PCDHGA5: variants seen among roughly 807,000 people sequenced by gnomAD.
The protein encoded by PCDHGA5 is protocadherin gamma subfamily A, 5, also known as protocadherin gamma-A5.
A neutral mutation model predicts 56.7 loss-of-function variants in PCDHGA5; 36 were observed. The ratio of observed to expected loss-of-function variants is 0.64; its 90% CI spans 0.49 to 0.84. The LOEUF (loss-of-function observed/expected upper bound fraction) is 0.84. Ranked by LOEUF, PCDHGA5 falls within the 40% of genes least tolerant of loss-of-function variation. The pLI, the probability that PCDHGA5 is intolerant of heterozygous loss-of-function variation, is 0.00. For synonymous variants in PCDHGA5, 563 were observed against 520.2 expected, an observed-to-expected ratio of 1.08 and a Z score of -1.12; for missense variants, 1,305 against 1,201.5, an observed-to-expected ratio of 1.09 and a Z score of -1.27.
Position 141,451,083 on chromosome 5 carries a change from C to T in PCDHGA5, c.2422-43724C>T, listed in dbSNP as rs192869194. On this transcript the variant is annotated intron_variant, in intron 1 of 3. Coordinates refer to ENST00000518069, the MANE Select transcript of PCDHGA5 (RefSeq NM_018918.3). The stretch of plus-strand genomic sequence containing the variant: ...GACCTTGTGATCCACCCACCTTGAC[C>T]TCCCAAAGTGTTGGGATTACAGGCG... 4.9e-4 allele frequency among the ~76,000 whole-genome samples: 75 copies of T among 152,174 alleles called. 3 individuals carry two copies. In the East Asian group the frequency reaches 0.014, roughly 29 times the overall value.
intron 2 of PCDHGA5, among the ~76,000 whole-genome samples, chr5:141,497,487 T>TCTCTCTCTC (rs1223198472): frequency 1.3e-5 from 2 of 151,562 alleles, no homozygotes; most frequent in Non-Finnish European, 2.9e-5. Flanking sequence ...GCGGAACCTC[T>TCTCTCTCTC]CTCTCTCTCC....
At chr5:141,433,607 G>A (rs1209706866) in intron 1 of PCDHGA5, among the ~76,000 whole-genome samples, 2 of 152,078 alleles carry the variant, frequency 1.3e-5, no homozygotes, top group East Asian at 1.9e-4. Context: ...AGGCCGAGGC[G>A]GGTGGATCAC....
chr5:141,464,306 A>G (rs1438401635), intron 1 of PCDHGA5, among the ~76,000 whole-genome samples: 3 of 150,952 alleles, frequency 2.0e-5, no homozygotes. Context: ...TTGTATGTGC[A>G]CATATCATTA....
At position 141,370,660 on chromosome 5, in the gene PCDHGA5, G is replaced by T. The variant is rs199537402; in HGVS notation, c.2421+3909G>T. 1.4e-4 allele frequency: 220 copies of T among 1,613,752 alleles called. No individual in the cohort carries two copies. The highest frequency in any genetic ancestry group is 4.9e-4 in the Middle Eastern group (3 of 6,084). Reference sequence around the variant, plus strand: ...AATGGGAACTTACTTGTGAGCGACCGTATAGACCGAGAGGAGATTTGTGGC... The same window carrying T: ...AATGGGAACTTACTTGTGAGCGACCTTATAGACCGAGAGGAGATTTGTGGC... On this transcript the variant is annotated intron_variant, in intron 1 of 3. Transcript: ENST00000518069.
rs1355902961 is a variant in PCDHGA5, at chr5:141,364,253, T to C, written c.-78T>C. On this transcript the variant is annotated 5_prime_UTR_variant, in exon 1 of 4. It removes an upstream start codon present in the reference 5' UTR. Transcript: ENST00000518069. ...CCACGCCCATTTTCGTCAGGGAATATGTACCCATCGGCTTTAGATAAATAA... is the reference window on the plus strand; with the variant it reads ...CCACGCCCATTTTCGTCAGGGAATACGTACCCATCGGCTTTAGATAAATAA... The C allele has an allele frequency of 1.2e-5, 18 of 1,490,992 alleles. No individual in the cohort carries two copies. The highest frequency in any genetic ancestry group is 1.6e-5 in the Non-Finnish European group (18 of 1,117,562). The allele number at this position is 1,490,992 out of a possible 1,614,324, so 92.4% of individuals were successfully genotyped here.
Position 141,447,179 on chromosome 5 carries a change from G to A in PCDHGA5, c.2422-47628G>A, listed in dbSNP as rs558348683. ...GTTTAAGCGGGGTCTTGCTCTTGTC[G>A]CGCAGGCTGGAGTGCAATGGCTTGA... On this transcript the variant is annotated intron_variant, in intron 1 of 3. Transcript: ENST00000518069. 4.6e-4 allele frequency among the ~76,000 whole-genome samples: 70 copies of A among 151,826 alleles called. 1 individual carries two copies. The highest frequency in any genetic ancestry group is 3.9e-4 in the East Asian group (2 of 5,158).
At chr5:141,448,449 T>C (rs528049717) in intron 1 of PCDHGA5, among the ~76,000 whole-genome samples, 1 of 152,284 alleles carries the variant, frequency 6.6e-6, no homozygotes, top group South Asian at 2.1e-4. Context: ...CTGACTTCCA[T>C]CCCTATCCTA....
intron 1 of PCDHGA5, among the ~76,000 whole-genome samples, chr5:141,438,647 CACACAT>C (rs1324641788): frequency 3.8e-5 from 4 of 106,486 alleles, no homozygotes; most frequent in South Asian, 2.8e-4. Flanking sequence ...CACACACACA[CACACAT>C]ATATGTATAT....
chr5:141,395,546 G>GTT (rs2093266838), intron 1 of PCDHGA5: 4 of 32,300 alleles, frequency 1.2e-4, no homozygotes, highest in African/African-American at 9.9e-4. Context: ...TATTGTTTGT[G>GTT]TGTGTGTGTG....
Position 141,493,858 on chromosome 5 carries a change from C to A in PCDHGA5, c.2422-949C>A, listed in dbSNP as rs2099750481. Among the ~76,000 whole-genome samples, 1 of 152,184 alleles carries A rather than the reference C, an allele frequency of 6.6e-6. No homozygotes were observed. The highest frequency in any genetic ancestry group is 1.5e-5 in the Non-Finnish European group (1 of 68,030). On this transcript the variant is annotated intron_variant, in intron 1 of 3. Transcript: ENST00000518069. The surrounding 1 kb of genome is among the most constrained non-coding windows in gnomAD (Gnocchi z 4.3). ...AGTATGAGTATTAATTACCAGCCCA[C>A]CCCAGAACCAGTGAGGAGGTGGCTC...
chr5:141,372,700 A>G (rs1768981627), intron 1 of PCDHGA5: 1 of 1,614,002 alleles, frequency 6.2e-7, no homozygotes, highest in South Asian at 1.1e-5. Context: ...AAATTTCTCA[A>G]TATAAAGGCT....
chr5:141,428,156 C>G, intron 1 of PCDHGA5: 2 of 1,579,884 alleles, frequency 1.3e-6, no homozygotes, highest in Non-Finnish European at 1.7e-6. Flanking sequence ...CGGGAACCTG[C>G]TGGTTGCTGT....
At position 141,365,946 on chromosome 5, in the gene PCDHGA5, A is replaced by G. The variant is rs758519546; in HGVS notation, c.1616A>G (p.Asn539Ser). The change falls in exon 1 of 4, where the codon AAC (asparagine) becomes AGC (serine). Residue 539 changes from asparagine to serine, a missense_variant. By Grantham distance (46) the Asn-to-Ser change is conservative. Coordinates refer to ENST00000518069, the MANE Select transcript of PCDHGA5 (RefSeq NM_018918.3). ...TGGGTGACAGCCAGCGACAGTGGGA[A>G]CCCTCCACTTAGCAGCAACGTGTCG... is the stretch of plus-strand genomic sequence containing the variant. ...QLWVTASDSG[N>S]PPLSSNVSLS... 22 of 1,614,020 alleles carry G rather than the reference A, an allele frequency of 1.4e-5. No individual in the cohort carries two copies. The highest frequency in any genetic ancestry group is 1.9e-5 in the Non-Finnish European group (22 of 1,180,024).
intron 1 of PCDHGA5, among the ~76,000 whole-genome samples, chr5:141,437,052 T>A (rs986734485): frequency 6.6e-5 from 10 of 152,258 alleles, no homozygotes; most frequent in Non-Finnish European, 1.3e-4. Flanking sequence ...AGAAGGCTGG[T>A]GATCATTATT....
intron 1 of PCDHGA5, chr5:141,372,116 C>T: frequency 6.2e-7 from 1 of 1,613,806 alleles, no homozygotes; most frequent in Non-Finnish European, 8.5e-7. Context: ...GCTCTGCGCT[C>T]TTCGATATGG....
At chr5:141,395,216 G>T in intron 1 of PCDHGA5, 1 of 1,612,150 alleles carries the variant, frequency 6.2e-7, no homozygotes, top group Non-Finnish European at 8.5e-7. Context: ...ATGAATATAA[G>T]AATGAAGCTG....
chr5:141,459,084 A>T (rs2098960410), intron 1 of PCDHGA5, among the ~76,000 whole-genome samples: 2 of 152,204 alleles, frequency 1.3e-5, no homozygotes, highest in Non-Finnish European at 2.9e-5. Flanking sequence ...TGCCTTTTAA[A>T]ATTATACAGT....
chr5:141,367,141 T>G (rs1764967867), intron 1 of PCDHGA5: 1 of 171,782 alleles, frequency 5.8e-6, no homozygotes, highest in Admixed American at 5.8e-5. Context: ...GAAAGGATAA[T>G]GTATAGGACT....
intron 1 of PCDHGA5, among the ~76,000 whole-genome samples, chr5:141,397,091 A>G (rs1162135708): frequency 1.3e-5 from 2 of 152,264 alleles, no homozygotes; most frequent in Non-Finnish European, 2.9e-5. Flanking sequence ...CATTTCAGAT[A>G]GGATAATAAT....
Sources: gnomAD v4.1 joint callset for allele counts (sites outside exome capture counted in the v4.1 genomes callset) on GRCh38, gnomAD v4.1.1 for gene constraint, Gnocchi (gnomAD v3.1) non-coding constraint, MANE v1.5 for transcripts, NCBI Gene and HGNC (gene_info 2026-07-23, HGNC 2026-07-21) for gene names.